RIT2: variants seen among roughly 807,000 people sequenced by gnomAD.
The protein encoded by RIT2 is GTP-binding protein Rit2.
RIT2 carries 24 observed loss-of-function variants against 23.7 expected under a neutral mutation model. That is an observed-to-expected ratio of 1.01 (90% CI 0.73 to 1.43). The LOEUF (loss-of-function observed/expected upper bound fraction) is 1.43, where lower values mean the gene tolerates loss of function less well. Ranked by LOEUF, RIT2 falls within the 40% of genes most tolerant of loss-of-function variation. The pLI, the probability that RIT2 is intolerant of heterozygous loss-of-function variation, is 0.00. For synonymous variants in RIT2, 107 were observed against 91.1 expected, an observed-to-expected ratio of 1.17 and a Z score of -0.99; for missense variants, 236 against 266.9, an observed-to-expected ratio of 0.88 and a Z score of 0.81.
At chr18:42,784,620 T>C (rs1259071673) in intron 4 of RIT2, among the ~76,000 whole-genome samples, 3 of 152,092 alleles carry the variant, frequency 2.0e-5, no homozygotes, top group African/African-American at 4.8e-5. Context: ...TTTTTAGAAA[T>C]GAAACAACTC....
intron 2 of RIT2, among the ~76,000 whole-genome samples, chr18:42,980,232 A>G (rs2144211991): frequency 6.6e-6 from 1 of 152,250 alleles, no homozygotes; most frequent in African/African-American, 2.4e-5. Context: ...AGGGTACCAC[A>G]AGGACCTAAA....
At chr18:42,838,069 C>A (rs1313870567) in intron 4 of RIT2, among the ~76,000 whole-genome samples, 2 of 152,140 alleles carry the variant, frequency 1.3e-5, no homozygotes, top group Admixed American at 1.3e-4. Flanking sequence ...GCTGAAATTC[C>A]CAGATCCCAC....
At chr18:42,958,343 G>T (rs928901080) in intron 3 of RIT2, among the ~76,000 whole-genome samples, 38 of 152,112 alleles carry the variant, frequency 2.5e-4, no homozygotes, top group Admixed American at 2.5e-3. Flanking sequence ...ACCAAGATAT[G>T]TACCCTTCTG....
chr18:43,013,563 T>C (rs746265492), intron 2 of RIT2, among the ~76,000 whole-genome samples: 2 of 151,762 alleles, frequency 1.3e-5, no homozygotes, highest in Non-Finnish European at 2.9e-5. Flanking sequence ...GGGGCCGAGA[T>C]TACAGGAGCA....
chr18:42,894,529 A>C (rs1217234686), intron 4 of RIT2, among the ~76,000 whole-genome samples: 1 of 152,194 alleles, frequency 6.6e-6, no homozygotes, highest in Non-Finnish European at 1.5e-5. Context: ...TAGCAGTCTG[A>C]TCAGTATAGG....
chr18:42,835,393 A>G (rs1182110218), intron 4 of RIT2, among the ~76,000 whole-genome samples: 1 of 152,126 alleles, frequency 6.6e-6, no homozygotes, highest in African/African-American at 2.4e-5. Context: ...ATTGTAAAAA[A>G]TATTTCTGGA....
chr18:42,840,047 T>C (rs946885144), intron 4 of RIT2, among the ~76,000 whole-genome samples: 1 of 152,202 alleles, frequency 6.6e-6, no homozygotes, highest in Non-Finnish European at 1.5e-5. Context: ...GAATGTACAC[T>C]CTTAATCTAT....
intron 4 of RIT2, among the ~76,000 whole-genome samples, chr18:42,922,836 G>A (rs1178374285): frequency 6.6e-6 from 1 of 152,176 alleles, no homozygotes; most frequent in Non-Finnish European, 1.5e-5. Context: ...AGCAGATGCA[G>A]CCTGAAGGAA....
At chr18:42,932,898 A>G (rs982189457) in intron 3 of RIT2, among the ~76,000 whole-genome samples, 3 of 152,070 alleles carry the variant, frequency 2.0e-5, no homozygotes, top group Admixed American at 1.3e-4. Context: ...TTTATTGAGA[A>G]TAATTTTTTT....
intron 4 of RIT2, among the ~76,000 whole-genome samples, chr18:42,802,791 T>C (rs1905578090): frequency 6.6e-6 from 1 of 152,206 alleles, no homozygotes; most frequent in South Asian, 2.1e-4. Context: ...TTTCTCTATA[T>C]TGGGTGTCCT....
chr18:43,066,698 G>A (rs933312598), intron 1 of RIT2, among the ~76,000 whole-genome samples: 5 of 151,998 alleles, frequency 3.3e-5, no homozygotes, highest in Admixed American at 1.3e-4. Context: ...ACAAGGAAGC[G>A]CCATTTAACC....
chr18:43,085,057 G>A (rs867359018), intron 1 of RIT2, among the ~76,000 whole-genome samples: 1 of 152,080 alleles, frequency 6.6e-6, no homozygotes, highest in Non-Finnish European at 1.5e-5. Context: ...AGTAGAATGA[G>A]AAGGAAGCGG....
At chr18:42,893,232 A>G (rs2144096823) in intron 4 of RIT2, among the ~76,000 whole-genome samples, 2 of 152,122 alleles carry the variant, frequency 1.3e-5, no homozygotes, top group East Asian at 3.9e-4. Flanking sequence ...TCTCAAAAAA[A>G]AAAAAAAAAA....
At chr18:42,944,272 G>A (rs538253641) in intron 3 of RIT2, among the ~76,000 whole-genome samples, 3 of 152,180 alleles carry the variant, frequency 2.0e-5, no homozygotes, top group South Asian at 4.1e-4. Flanking sequence ...AAATGTGCCA[G>A]GCAAACTCTC....
chr18:42,849,157 G>A (rs1906983705), intron 4 of RIT2, among the ~76,000 whole-genome samples: 1 of 151,278 alleles, frequency 6.6e-6, no homozygotes, highest in South Asian at 2.1e-4. Flanking sequence ...GTGAACCCAG[G>A]CAATCTGGGC....
chr18:42,830,344 A>G (rs1906422504), intron 4 of RIT2, among the ~76,000 whole-genome samples: 1 of 152,172 alleles, frequency 6.6e-6, no homozygotes, highest in South Asian at 2.1e-4. Context: ...GTCACAGTAA[A>G]CATTTGGAAT....
intron 1 of RIT2, among the ~76,000 whole-genome samples, chr18:43,035,896 A>G (rs1345994141): frequency 3.9e-5 from 6 of 152,232 alleles, no homozygotes; most frequent in Non-Finnish European, 7.3e-5. Flanking sequence ...TACCAATTTA[A>G]CTAGTCTCTG....
chr18:42,940,303 A>G (rs2144157567), intron 3 of RIT2, among the ~76,000 whole-genome samples: 1 of 142,466 alleles, frequency 7.0e-6, no homozygotes, highest in East Asian at 2.1e-4. Flanking sequence ...TAATATATTT[A>G]ATATATTAAT....
At chr18:43,094,722 C>G (rs1913509285) in intron 1 of RIT2, among the ~76,000 whole-genome samples, 1 of 151,924 alleles carries the variant, frequency 6.6e-6, no homozygotes, top group Non-Finnish European at 1.5e-5. Context: ...TGTTTCCATC[C>G]ATTAGAAACC....
Sources: allele counts gnomAD v4.1 joint callset (sites outside exome capture counted in the v4.1 genomes callset), GRCh38; gene constraint gnomAD v4.1.1; transcripts MANE v1.5; gene names NCBI Gene and HGNC (gene_info 2026-07-23, HGNC 2026-07-21).